SPG11: variants seen among roughly 807,000 people sequenced by gnomAD.
SPG11 encodes the protein SPG11 vesicle trafficking associated, spatacsin, also known as spatacsin.
In SPG11, 222 loss-of-function variants were observed where a neutral mutation model predicts 274.0. The observed-to-expected ratio is 0.81, with a 90% CI of 0.73 to 0.91. The LOEUF (loss-of-function observed/expected upper bound fraction) is 0.91. Among genes scored for constraint, SPG11 ranks in the 40% least tolerant of loss-of-function variants. The pLI, the probability that SPG11 is intolerant of heterozygous loss-of-function variation, is 0.00. For missense variants in SPG11, 3,114 were observed against 2,872.7 expected, an observed-to-expected ratio of 1.08 and a Z score of -1.92; for synonymous variants, 1,144 against 1,039.7, an observed-to-expected ratio of 1.10 and a Z score of -1.93.
Position 44,626,246 on chromosome 15 carries a change from AAAT to A in SPG11, c.2244+82_2244+84del, listed in dbSNP as rs2083894525. 6.7e-6 allele frequency: 8 copies of A among 1,190,226 alleles called. No homozygotes were observed. In the South Asian group the frequency reaches 1.0e-4, roughly 15 times the overall value. 73.7% of individuals were successfully genotyped at this position (1,190,226 alleles called of 1,614,324 possible). On this transcript the variant is annotated intron_variant, in intron 11 of 39. Transcript: ENST00000261866. The stretch of plus-strand genomic sequence containing the variant: ...TACTACATAAATTTCTTAGTTTATG[AAAT>A]AATTATGAATACAAACCAATTTTAT...
rs780597150 is a variant in SPG11, at chr15:44,620,359, C to T, written c.2665G>A (p.Ala889Thr). 1.9e-6 allele frequency: 3 copies of T among 1,613,862 alleles called. No individual in the cohort carries two copies. The highest frequency in any genetic ancestry group is 1.7e-6 in the Non-Finnish European group (2 of 1,179,990). The change falls in exon 15 of 40, where the codon GCT (alanine) becomes ACT (threonine). Residue 889 changes from alanine (A) to threonine (T), a missense_variant. By Grantham distance (58) the Ala-to-Thr change is moderately conservative. Transcript: ENST00000261866. ...ATAATGTTTAACCAATCATGGCGAG[C>T]TGTGAGGTATCTCCAGAGGGCTTCA... is the stretch of plus-strand genomic sequence containing the variant. ...SPEALWRYLT[A>T]RHDWLNIILW... is the part of the protein sequence containing the mutation.
Position 44,570,608 on chromosome 15 carries a change from T to C in SPG11, c.6394A>G (p.Met2132Val). Residue 2132 changes from methionine (M) to valine (V), a missense_variant, in exon 34 of 40, where the codon ATG becomes GTG. By Grantham distance (21) the Met-to-Val change is conservative. Coordinates refer to ENST00000261866, the MANE Select transcript of SPG11 (RefSeq NM_025137.4). ...TGTAGGACTCGGATGATGCCCTCCA[T>C]GTGGCACGTCAGGGTGAAGCAATGA... is the stretch of plus-strand genomic sequence containing the variant. ...AHHCFTLTCH[M>V]EGIIRVLQAA... is the part of the protein sequence containing the mutation. 1.2e-6 allele frequency: 2 copies of C among 1,614,106 alleles called. No individual in the cohort carries two copies. The highest frequency in any genetic ancestry group is 8.5e-7 in the Non-Finnish European group (1 of 1,179,998).
chr15:44,601,108 C>T (rs895659113), intron 20 of SPG11, among the ~76,000 whole-genome samples: 6 of 151,910 alleles, frequency 3.9e-5, no homozygotes, highest in African/African-American at 1.2e-4. Flanking sequence ...GCCAAGATCG[C>T]GCCATTGCAC....
chr15:44,564,439 G>A (rs1337043222), intron 39 of SPG11, 108 bp downstream of exon 39: 22 of 1,079,336 alleles, frequency 2.0e-5, no homozygotes, highest in Non-Finnish European at 2.8e-5. Flanking sequence ...GCCATTTTAA[G>A]TAGAGGTAAT....
Position 44,659,132 on chromosome 15 carries a change from T to A in SPG11, c.614A>T (p.Asp205Val). The A allele has an allele frequency of 6.2e-7, 1 of 1,614,222 alleles. No homozygotes were observed. Among genetic ancestry groups the A allele is most frequent in the Non-Finnish European group, 8.5e-7 (1 of 1,180,036 alleles). The change falls in exon 3 of 40, where the codon GAC (aspartate) becomes GTC (valine). Residue 205 changes from aspartate (D) to valine (V), a missense_variant. Asp to Val is a radical substitution (Grantham distance 152, BLOSUM62 -3). Transcript: ENST00000261866. Reference sequence around the variant, plus strand: ...AAGAATTCCTCTGCAGAGCTGCGTGTCAATAATCATGTCCACTGCCTGTGC... The same window carrying A: ...AAGAATTCCTCTGCAGAGCTGCGTGACAATAATCATGTCCACTGCCTGTGC... ...LPAQAVDMII[D>V]TQLCRGILFV...
At chr15:44,582,335 G>C (rs965980575) in intron 30 of SPG11, among the ~76,000 whole-genome samples, 1 of 152,180 alleles carries the variant, frequency 6.6e-6, no homozygotes, top group African/African-American at 2.4e-5. Context: ...ATCACTTGAG[G>C]TAAGGAGTTC....
At chr15:44,579,476 G>A (rs1354275229) in intron 30 of SPG11, among the ~76,000 whole-genome samples, 2 of 143,534 alleles carry the variant, frequency 1.4e-5, no homozygotes, top group Non-Finnish European at 3.0e-5. Context: ...GCAGTGAGCC[G>A]AGGTCACACC....
At chr15:44,635,709 G>T (rs2084225964) in intron 7 of SPG11, among the ~76,000 whole-genome samples, 1 of 151,040 alleles carries the variant, frequency 6.6e-6, no homozygotes. Flanking sequence ...CTAAGGTCAG[G>T]AGTTCAAGAC....
chr15:44,615,606 T>C, intron 15 of SPG11, 40 bp from the exon 16 acceptor site: 1 of 1,594,762 alleles, frequency 6.3e-7, no homozygotes, highest in South Asian at 1.1e-5. Flanking sequence ...AAAAAGTTGC[T>C]ATGTTCAGAG....
chr15:44,659,335 A>C, intron 2 of SPG11, 32 bp from the exon 3 acceptor site: 3 of 1,559,584 alleles, frequency 1.9e-6, no homozygotes, highest in Non-Finnish European at 2.7e-6. Flanking sequence ...TTTCAAACTC[A>C]TTGGTCACAA....
In SPG11 at chr15:44,633,745, G is replaced by A. The variant is rs1224465063; in HGVS notation, c.1603-108C>T. The A allele has an allele frequency of 5.9e-6, 7 of 1,195,852 alleles. No individual in the cohort carries two copies. The East Asian group carries it at 1.0e-4, about 17-fold the overall frequency. The allele number at this position is 1,195,852 out of a possible 1,614,324, so 74.1% of individuals were successfully genotyped here. A position where few individuals can be genotyped will look rare whatever the true frequency, so the allele number is the denominator to read the frequency against. ...AGAATTTAATGTGGTGAGACTACAG[G>A]AGGCAAAAGACTGCATGAGTACATG... On this transcript the variant is annotated intron_variant, in intron 7 of 39. Coordinates refer to ENST00000261866, the MANE Select transcript of SPG11 (RefSeq NM_025137.4).
At chr15:44,661,972 G>A (rs543433026) in intron 1 of SPG11, among the ~76,000 whole-genome samples, 1 of 152,048 alleles carries the variant, frequency 6.6e-6, no homozygotes, top group African/African-American at 2.4e-5. Context: ...CTAATTTCAT[G>A]AACTAGCATA....
In SPG11 at chr15:44,584,189, C is replaced by A. The variant is rs2082710390; in HGVS notation, c.5491G>T (p.Glu1831Ter). Reference protein sequence around the residue: ...RFSRQISTSGELSFDSLASEF... With the variant: ...RFSRQISTSG ...CTGGCTAAACTATCAAAGGAAAGTT[C>A]ACCACTAGTTGAGATCTGTCGAGAA... is the stretch of plus-strand genomic sequence containing the variant. The change falls in exon 30 of 40, where the codon GAA becomes TAA. Residue 1831 changes from glutamate (E) to a stop codon, truncating the protein, a stop_gained. Transcript: ENST00000261866. LOFTEE classifies it high-confidence loss of function. 6.2e-7 allele frequency: 1 copy of A among 1,614,082 alleles called. No individual in the cohort carries two copies. Among genetic ancestry groups the A allele is most frequent in the African/African-American group, 1.3e-5 (1 of 74,932 alleles).
At chr15:44,658,975 C>CGCTTCCT (rs2085020843) in intron 3 of SPG11, 104 bp downstream of exon 3, 2 of 1,036,168 alleles carry the variant, frequency 1.9e-6, no homozygotes, top group East Asian at 4.7e-5. Context: ...AAACTAACCA[C>CGCTTCCT]ACTTCCTATA....
In SPG11 at chr15:44,610,945, C is replaced by G. The variant is rs11070430; in HGVS notation, c.3186G>C (p.Gln1062His). Residue 1062 changes from glutamine (Q) to histidine (H), a missense_variant, in exon 18 of 40, where the codon CAG (glutamine) becomes CAC (histidine). Gln to His is a conservative substitution (Grantham distance 24, BLOSUM62 0). Transcript: ENST00000261866. The stretch of plus-strand genomic sequence containing the variant: ...TGGCCTGATTGGTGGGAATCAAAAT[C>G]TGAGCATTTGCAAGGCTAGCCTGGA... Reference protein sequence around the residue: ...LIFQASLANAQILIPTNQASV... With the variant: ...LIFQASLANAHILIPTNQASV... 3.1e-6 allele frequency: 5 copies of G among 1,613,854 alleles called. No individual in the cohort carries two copies. The highest frequency in any genetic ancestry group is 3.4e-6 in the Non-Finnish European group (4 of 1,179,952).
At chr15:44,589,730 T>C (rs548520376) in intron 27 of SPG11, among the ~76,000 whole-genome samples, 1 of 152,380 alleles carries the variant, frequency 6.6e-6, no homozygotes, top group East Asian at 1.9e-4. Flanking sequence ...AAAATATTCC[T>C]ACTTAGTGAC....
At chr15:44,588,532 A>T (rs936639245) in intron 28 of SPG11, 31 of 199,338 alleles carry the variant, frequency 1.6e-4, no homozygotes, top group African/African-American at 4.8e-4. Context: ...TATAGGAAAA[A>T]TTATATAAGA....
chr15:44,589,258 A>AGAAGAGATGCTCTCTTTCAAC lies in SPG11; in HGVS notation c.4879_4899dup (p.Val1627_Phe1633dup), dbSNP rs1567142811. 1 of 1,613,806 alleles carries AGAAGAGATGCTCTCTTTCAAC rather than the reference A, an allele frequency of 6.2e-7. No homozygotes were observed. Among genetic ancestry groups the AGAAGAGATGCTCTCTTTCAAC allele is most frequent in the Non-Finnish European group, 8.5e-7 (1 of 1,179,902 alleles). Reference sequence around the variant, plus strand: ...ACTGTAAGGATTGTCTTACCATCAGAGAAGAGATGCTCTCTTTCAACAAAG... The same window carrying AGAAGAGATGCTCTCTTTCAAC: ...ACTGTAAGGATTGTCTTACCATCAGAGAAGAGATGCTCTCTTTCAACGAAGAGATGCTCTCTTTCAACAAAG... On this transcript the variant is annotated inframe_insertion, in exon 28 of 40. Transcript: ENST00000261866.
At chr15:44,586,617 C>T (rs2082770769) in intron 28 of SPG11, among the ~76,000 whole-genome samples, 1 of 151,950 alleles carries the variant, frequency 6.6e-6, no homozygotes, top group Non-Finnish European at 1.5e-5. Context: ...GTACTCCAGC[C>T]TGGGCAATAG....
Sources: gnomAD v4.1 joint callset for allele counts (sites outside exome capture counted in the v4.1 genomes callset) on GRCh38, gnomAD v4.1.1 for gene constraint, MANE v1.5 for transcripts, NCBI Gene and HGNC (gene_info 2026-07-23, HGNC 2026-07-21) for gene names.